Variants in EXD1 observed in about 807,000 individuals in gnomAD.
The protein encoded by EXD1 is exonuclease 3'-5' domain containing 1, also known as piRNA biogenesis protein EXD1.
In EXD1, 63 loss-of-function variants were observed where a neutral mutation model predicts 49.1. The ratio of observed to expected loss-of-function variants is 1.28; its 90% CI spans 1.05 to 1.58. The LOEUF (loss-of-function observed/expected upper bound fraction) is 1.58, where lower values mean the gene tolerates loss of function less well. EXD1 is among the 40% of genes most tolerant of loss of function. The pLI is 0.00. For missense variants in EXD1, 748 were observed against 666.0 expected (o/e 1.12, Z -1.36); for synonymous variants, 234 against 239.2 (o/e 0.98, Z 0.20).
chr15:41,191,311 T>A, intron 10 of EXD1, 131 bp downstream of exon 10: 3 of 777,380 alleles, frequency 3.9e-6, no homozygotes, highest in Non-Finnish European at 4.0e-6. Flanking sequence ...TCCCATTTGG[T>A]ACAGTTAAGA....
intron 11 of EXD1, among the ~76,000 whole-genome samples, chr15:41,188,457 ATC>A (rs1242984800): frequency 6.6e-6 from 1 of 151,648 alleles, no homozygotes; most frequent in Non-Finnish European, 1.5e-5. Context: ...CAGTGGCAGA[ATC>A]TCGGCTCACT....
At chr15:41,189,787 G>A in intron 11 of EXD1, 150 bp downstream of exon 11, 1 of 632,548 alleles carries the variant, frequency 1.6e-6, no homozygotes, top group Non-Finnish European at 2.7e-6. Flanking sequence ...GTGAGGGGAT[G>A]GATCATGCCC....
chr15:41,201,086 C>A (rs544907107), intron 7 of EXD1, among the ~76,000 whole-genome samples: 355 of 152,132 alleles, frequency 2.3e-3, no homozygotes, highest in Middle Eastern at 6.8e-3. Context: ...GTTGGCCAGG[C>A]TGGTCTCAAG....
intron 3 of EXD1, 29 bp downstream of exon 3, chr15:41,219,801 A>C: frequency 1.3e-6 from 2 of 1,500,986 alleles, no homozygotes; most frequent in Non-Finnish European, 1.8e-6. Flanking sequence ...TCTCAGTACT[A>C]GCATTTTCAA....
At chr15:41,217,777 G>A (rs1292262603) in intron 3 of EXD1, among the ~76,000 whole-genome samples, 7 of 151,960 alleles carry the variant, frequency 4.6e-5, no homozygotes, top group Admixed American at 2.6e-4. Context: ...CTCTTGATCC[G>A]CTCGCCTCAG....
At position 41,222,683 on chromosome 15, in the gene EXD1, A is replaced by C. The variant is rs954837440; in HGVS notation, c.134-2785T>G. Among the ~76,000 whole-genome samples, 118 of 147,194 alleles carry C rather than the reference A, an allele frequency of 8.0e-4. 1 individual carries two copies. Among genetic ancestry groups the C allele is most frequent in the Non-Finnish European group, 2.1e-4 (14 of 67,198 alleles). ...GCTGGACGCGGTGACTCACGGCTAT[A>C]ATCTCAGCACTTTGGGAGGCTGAGG... On this transcript the variant is annotated intron_variant, in intron 2 of 11. Coordinates refer to ENST00000458580, the MANE Select transcript of EXD1 (RefSeq NM_001286441.2).
chr15:41,219,970 C>G (rs2047061734), intron 2 of EXD1, 72 bp from the exon 3 acceptor site: 2 of 1,087,536 alleles, frequency 1.8e-6, no homozygotes, highest in Non-Finnish European at 2.6e-6. Flanking sequence ...TGATGCCTCT[C>G]AAAATTTCCC....
intron 9 of EXD1, among the ~76,000 whole-genome samples, chr15:41,194,268 C>T (rs1203229089): frequency 6.6e-6 from 1 of 152,062 alleles, no homozygotes; most frequent in Non-Finnish European, 1.5e-5. Context: ...ACCTTGGCCT[C>T]CCAAAGTGTT....
At chr15:41,216,865 A>T in intron 4 of EXD1, 70 bp from the exon 5 acceptor site, 1 of 1,591,498 alleles carries the variant, frequency 6.3e-7, no homozygotes, top group Non-Finnish European at 8.5e-7. Flanking sequence ...AGATTTTGCC[A>T]CACATTAACG....
At chr15:41,184,944 T>C (rs555306807) in intron 11 of EXD1, among the ~76,000 whole-genome samples, 1 of 152,122 alleles carries the variant, frequency 6.6e-6, no homozygotes, top group Non-Finnish European at 1.5e-5. Flanking sequence ...TCGTGAGCCA[T>C]AGTGCCCGGC....
At chr15:41,191,922 G>A (rs564469129) in intron 9 of EXD1, 2 of 207,010 alleles carry the variant, frequency 9.7e-6, no homozygotes, top group Non-Finnish European at 1.9e-5. Context: ...GACTACAGGT[G>A]CAGGCTACCA....
At chr15:41,206,550 T>A (rs998078350) in intron 7 of EXD1, among the ~76,000 whole-genome samples, 19 of 149,430 alleles carry the variant, frequency 1.3e-4, no homozygotes, top group Non-Finnish European at 2.2e-4. Flanking sequence ...TTGACTCCCC[T>A]AATGTTTGTC....
chr15:41,229,712 G>A (rs1246084697), intron 1 of EXD1, among the ~76,000 whole-genome samples: 1 of 152,160 alleles, frequency 6.6e-6, no homozygotes, highest in Admixed American at 6.6e-5. Context: ...AAGTTTCGGT[G>A]AGCTGAGATG....
chr15:41,226,652 A>G, intron 1 of EXD1, 24 bp from the exon 2 acceptor site: 2 of 1,459,640 alleles, frequency 1.4e-6, no homozygotes, highest in Non-Finnish European at 1.8e-6. Flanking sequence ...AAAGAGATCT[A>G]TGAATTTTAA....
intron 7 of EXD1, among the ~76,000 whole-genome samples, chr15:41,203,542 A>G (rs538888716): frequency 6.6e-6 from 1 of 152,266 alleles, no homozygotes; most frequent in East Asian, 1.9e-4. Context: ...TATTTCCTGA[A>G]GCTAGCCATA....
chr15:41,218,253 G>A (rs980471191), intron 3 of EXD1, among the ~76,000 whole-genome samples: 1 of 152,028 alleles, frequency 6.6e-6, no homozygotes, highest in African/African-American at 2.4e-5. Flanking sequence ...GGGAGGGTGA[G>A]GGGGGTGAAT....
At chr15:41,192,640 G>A (rs1414374368) in intron 9 of EXD1, among the ~76,000 whole-genome samples, 1 of 97,200 alleles carries the variant, frequency 1.0e-5, no homozygotes, top group African/African-American at 4.1e-5. Context: ...TTTGAGATAG[G>A]GTCTTGCTCT....
rs946353376 is a variant in EXD1, at chr15:41,183,234, G to A, written c.*697C>T. 10 of 152,236 alleles carry A rather than the reference G, an allele frequency of 6.6e-5. No homozygotes were observed. The highest frequency in any genetic ancestry group is 2.4e-4 in the African/African-American group (10 of 41,434). 9.4% of individuals were successfully genotyped at this position (152,236 alleles called of 1,614,324 possible). On this transcript the variant is annotated 3_prime_UTR_variant, in exon 12 of 12. Coordinates refer to ENST00000458580, the MANE Select transcript of EXD1 (RefSeq NM_001286441.2). Reference sequence around the variant, plus strand: ...GAACCCGGGAGGCGGAGGTTGCAGTGAGCAGAGATTACACCACTACACTCC... The same window carrying A: ...GAACCCGGGAGGCGGAGGTTGCAGTAAGCAGAGATTACACCACTACACTCC...
intron 9 of EXD1, among the ~76,000 whole-genome samples, chr15:41,195,287 C>T (rs2046590934): frequency 6.6e-6 from 1 of 152,084 alleles, no homozygotes; most frequent in Admixed American, 6.6e-5. Flanking sequence ...CTAAGGTCCC[C>T]TAGAGGACAG....
Sources: allele counts gnomAD v4.1 joint callset (sites outside exome capture counted in the v4.1 genomes callset), GRCh38; gene constraint gnomAD v4.1.1; transcripts MANE v1.5; gene names NCBI Gene and HGNC (gene_info 2026-07-23, HGNC 2026-07-21).